The following PDE3B variants were observed in gnomAD, a reference collection of about 807,000 sequenced individuals.
PDE3B encodes phosphodiesterase 3B.
In PDE3B, 66 loss-of-function variants were observed where a neutral mutation model predicts 116.8. That is an observed-to-expected ratio of 0.56 (90% CI 0.46 to 0.69). The LOEUF (loss-of-function observed/expected upper bound fraction) is 0.69. PDE3B is among the 30% of genes least tolerant of loss of function. The pLI is 0.00. For synonymous variants in PDE3B, 595 were observed against 533.6 expected, an observed-to-expected ratio of 1.12 and a Z score of -1.59; for missense variants, 1,384 against 1,368.1, an observed-to-expected ratio of 1.01 and a Z score of -0.18.
intron 1 of PDE3B, among the ~76,000 whole-genome samples, chr11:14,731,347 G>T (rs552008603): frequency 1.3e-5 from 2 of 148,626 alleles, no homozygotes; most frequent in South Asian, 2.1e-4. Context: ...CAAGTTCCGC[G>T]TCCCGAGTTC....
chr11:14,770,000 G>A (rs1172033385), intron 1 of PDE3B, among the ~76,000 whole-genome samples: 3 of 151,354 alleles, frequency 2.0e-5, no homozygotes, highest in African/African-American at 7.3e-5. Flanking sequence ...CTAATGAAAA[G>A]TATACTTGAG....
Position 14,644,713 on chromosome 11 carries a change from C to G in PDE3B, c.638C>G (p.Pro213Arg), listed in dbSNP as rs756035375. Reference protein sequence around the residue: ...CVGLLLTLAHPLRLRHCVLVL... With the variant: ...CVGLLLTLAHRLRLRHCVLVL... ...GGGCTGCTGCTGACGCTCGCGCACC[C>G]GCTGCGGCTCCGGCACTGCGTTCTG... Residue 213 changes from proline (P) to arginine (R), a missense_variant, in exon 1 of 16, where the codon CCG (proline) becomes CGG (arginine). Coordinates refer to ENST00000282096, the MANE Select transcript of PDE3B (RefSeq NM_000922.4). 32 of 1,535,126 alleles carry G rather than the reference C, an allele frequency of 2.1e-5. No homozygotes were observed. Among genetic ancestry groups the G allele is most frequent in the Middle Eastern group, 1.7e-4 (1 of 5,776 alleles).
chr11:14,736,459 A>G (rs1856604463), intron 1 of PDE3B, among the ~76,000 whole-genome samples: 1 of 152,222 alleles, frequency 6.6e-6, no homozygotes, highest in Non-Finnish European at 1.5e-5. Context: ...ATTTTTGGGC[A>G]AGGAGAATGA....
At chr11:14,815,115 C>T (rs923775579) in intron 5 of PDE3B, among the ~76,000 whole-genome samples, 5 of 150,468 alleles carry the variant, frequency 3.3e-5, no homozygotes, top group Admixed American at 6.6e-5. Context: ...CCGGCCTGGG[C>T]GATAGAGTGA....
At chr11:14,819,256 T>A in intron 7 of PDE3B, 47 bp downstream of exon 7, 1 of 1,078,404 alleles carries the variant, frequency 9.3e-7, no homozygotes, top group Admixed American at 1.8e-5. Flanking sequence ...AGAAATTTCT[T>A]ACAATGATTT....
At chr11:14,766,909 G>A (rs1284930255) in intron 1 of PDE3B, among the ~76,000 whole-genome samples, 1 of 151,702 alleles carries the variant, frequency 6.6e-6, no homozygotes, top group African/African-American at 2.4e-5. Context: ...TTCCTCAAGT[G>A]TATTACACAT....
Position 14,843,937 on chromosome 11 carries a change from T to C in PDE3B, c.2431T>C (p.Leu811=), listed in dbSNP as rs781223817. The C allele has an allele frequency of 1.9e-6, 3 of 1,613,990 alleles. No homozygotes were observed. Among genetic ancestry groups the C allele is most frequent in the Non-Finnish European group, 1.7e-6 (2 of 1,179,974 alleles). Residue 811 remains leucine, a synonymous_variant, in exon 12 of 16, where the codon TTG becomes CTG. Transcript: ENST00000282096. ...CLSSNIPALE[L]MALYVAAAMH... ...GTCTTCAAACATTCCTGCATTAGAA[T>C]TGATGGCTCTATACGTGGCAGCTGC...
chr11:14,738,184 G>GA (rs927479993), intron 1 of PDE3B, among the ~76,000 whole-genome samples: 1 of 152,136 alleles, frequency 6.6e-6, no homozygotes. Flanking sequence ...GATCCCTGAG[G>GA]AATCGCCACA....
At chr11:14,681,828 A>G (rs1383289078) in intron 1 of PDE3B, among the ~76,000 whole-genome samples, 1 of 152,136 alleles carries the variant, frequency 6.6e-6, no homozygotes, top group Non-Finnish European at 1.5e-5. Flanking sequence ...TTCTATGTAC[A>G]GTTGACCCTT....
chr11:14,666,477 A>G (rs1351630853), intron 1 of PDE3B, among the ~76,000 whole-genome samples: 9 of 150,520 alleles, frequency 6.0e-5, no homozygotes, highest in African/African-American at 1.2e-4. Flanking sequence ...AAAAGAAACT[A>G]CCATCAGAGT....
intron 1 of PDE3B, among the ~76,000 whole-genome samples, chr11:14,677,339 G>C (rs192884990): frequency 1.3e-5 from 2 of 152,208 alleles, no homozygotes; most frequent in Admixed American, 1.3e-4. Context: ...AAGTAATCCA[G>C]GGTTTGATAT....
downstream of PDE3B, among the ~76,000 whole-genome samples, chr11:14,872,634 A>T (rs1399162084): frequency 6.6e-6 from 1 of 152,222 alleles, no homozygotes; most frequent in Admixed American, 6.5e-5. Flanking sequence ...TTTACATTTT[A>T]TGAGGATCAA....
At chr11:14,770,800 T>G (rs1857617594) in intron 1 of PDE3B, among the ~76,000 whole-genome samples, 1 of 151,598 alleles carries the variant, frequency 6.6e-6, no homozygotes, top group African/African-American at 2.4e-5. Context: ...AGGATATTGA[T>G]GAGGAGATGG....
Position 14,644,149 on chromosome 11 carries a change from A to G in PDE3B, c.74A>G (p.Glu25Gly), listed in dbSNP as rs1336260511. ...QPPDGAGSPP[E>G]SLRNGYVKSC... ...CCGGATGGGGCCGGCTCGCCCCCCG[A>G]GAGTCTGAGGAACGGCTACGTGAAG... Residue 25 changes from glutamate to glycine, a missense_variant, in exon 1 of 16, where the codon GAG becomes GGG. Coordinates refer to ENST00000282096, the MANE Select transcript of PDE3B (RefSeq NM_000922.4). 1.3e-6 allele frequency: 2 copies of G among 1,591,022 alleles called. No individual in the cohort carries two copies. The highest frequency in any genetic ancestry group is 1.4e-5 in the African/African-American group (1 of 73,802).
chr11:14,739,980 T>C (rs959269543), intron 1 of PDE3B, among the ~76,000 whole-genome samples: 2 of 152,204 alleles, frequency 1.3e-5, no homozygotes, highest in Non-Finnish European at 2.9e-5. Flanking sequence ...ATAAGCTTTT[T>C]GATGTCCTGC....
At chr11:14,845,145 C>T (rs1310868218) in intron 12 of PDE3B, among the ~76,000 whole-genome samples, 7 of 151,928 alleles carry the variant, frequency 4.6e-5, no homozygotes, top group Admixed American at 4.6e-4. Flanking sequence ...ACAAAACTTC[C>T]AGAGGAACGA....
intron 4 of PDE3B, 108 bp from the exon 5 acceptor site, chr11:14,803,836 C>T (rs1018477467): frequency 2.2e-5 from 15 of 679,868 alleles, no homozygotes; most frequent in Non-Finnish European, 3.6e-5. Context: ...GAGGCGCAAA[C>T]TCTGAATTTA....
At chr11:14,826,198 C>T (rs1590175569) in intron 7 of PDE3B, among the ~76,000 whole-genome samples, 1 of 152,030 alleles carries the variant, frequency 6.6e-6, no homozygotes, top group African/African-American at 2.4e-5. Flanking sequence ...CCTAATATCA[C>T]CACTAAAATA....
intron 1 of PDE3B, among the ~76,000 whole-genome samples, chr11:14,749,062 T>C (rs1856988706): frequency 6.6e-6 from 1 of 152,106 alleles, no homozygotes; most frequent in South Asian, 2.1e-4. Flanking sequence ...CTAATTTTTG[T>C]CTTTTTAGTA....
Sources: allele counts gnomAD v4.1 joint callset (sites outside exome capture counted in the v4.1 genomes callset), GRCh38; gene constraint gnomAD v4.1.1; transcripts MANE v1.5; gene names NCBI Gene and HGNC (gene_info 2026-07-23, HGNC 2026-07-21).